The following KCNT2 variants were observed in gnomAD, a reference collection of about 807,000 sequenced individuals.
KCNT2 encodes the protein potassium channel subfamily T member 2.
Under a neutral mutation model 153.8 loss-of-function variants are expected in KCNT2, and 67 were observed. That is an observed-to-expected ratio of 0.44 (90% CI 0.36 to 0.53). The LOEUF is 0.53. Among genes scored for constraint, KCNT2 ranks in the 20% least tolerant of loss-of-function variants. The probability of loss-of-function intolerance (pLI) is 0.00; values close to 1 mark genes in which losing one functional copy is unlikely to be tolerated. For synonymous variants in KCNT2, 500 were observed against 458.8 expected (o/e 1.09, Z -1.15); for missense variants, 975 against 1,354.8 (o/e 0.72, Z 4.40).
chr1:196,345,693 C>T (rs1377936004), intron 14 of KCNT2, among the ~76,000 whole-genome samples: 2 of 151,994 alleles, frequency 1.3e-5, no homozygotes, highest in South Asian at 2.1e-4. Flanking sequence ...CAATGATCCA[C>T]CTAGATGATA....
intron 22 of KCNT2, among the ~76,000 whole-genome samples, chr1:196,304,820 T>G (rs1456604490): frequency 1.3e-5 from 2 of 152,180 alleles, no homozygotes; most frequent in Non-Finnish European, 2.9e-5. Context: ...TTCCTCCCTC[T>G]GAGACCTTGC....
intron 13 of KCNT2, among the ~76,000 whole-genome samples, chr1:196,374,968 C>A (rs971053808): frequency 3.3e-5 from 5 of 151,798 alleles, no homozygotes; most frequent in Non-Finnish European, 7.4e-5. Context: ...CAATTATTAA[C>A]TTTTCCTTAC....
At chr1:196,273,867 C>T (rs1225142115) in intron 25 of KCNT2, among the ~76,000 whole-genome samples, 1 of 151,528 alleles carries the variant, frequency 6.6e-6, no homozygotes, top group Non-Finnish European at 1.5e-5. Context: ...ACTCCATACA[C>T]TATAAATGAT....
intron 18 of KCNT2, among the ~76,000 whole-genome samples, chr1:196,330,171 T>C (rs1407236049): frequency 6.6e-6 from 1 of 150,996 alleles, no homozygotes; most frequent in Non-Finnish European, 1.5e-5. Flanking sequence ...TTTTCTAATG[T>C]TCTGTAAATC....
chr1:196,352,460 C>T (rs980660796), intron 14 of KCNT2, among the ~76,000 whole-genome samples: 2 of 151,990 alleles, frequency 1.3e-5, no homozygotes, highest in African/African-American at 4.8e-5. Flanking sequence ...AGGAATTTAT[C>T]CATTTCTTCT....
chr1:196,356,274 T>G (rs1667168515), intron 14 of KCNT2, among the ~76,000 whole-genome samples: 1 of 151,768 alleles, frequency 6.6e-6, no homozygotes, highest in South Asian at 2.1e-4. Flanking sequence ...AAAGCAATAT[T>G]AAATTTCATC....
chr1:196,470,789 C>T (rs1223191192), intron 5 of KCNT2, among the ~76,000 whole-genome samples: 1 of 151,996 alleles, frequency 6.6e-6, no homozygotes, highest in Non-Finnish European at 1.5e-5. Context: ...TTCCCTGTGC[C>T]ATGTAGGTCT....
At chr1:196,501,453 G>T (rs1031409755) in intron 1 of KCNT2, among the ~76,000 whole-genome samples, 5 of 152,074 alleles carry the variant, frequency 3.3e-5, no homozygotes, top group African/African-American at 1.2e-4. Context: ...AACATGAATG[G>T]AACTGTAGGC....
At chr1:196,446,293 G>T (rs763691588) in intron 8 of KCNT2, among the ~76,000 whole-genome samples, 94 of 151,236 alleles carry the variant, frequency 6.2e-4, no homozygotes, top group Non-Finnish European at 1.2e-3. Flanking sequence ...TCCATGAGAC[G>T]CATTCAACTA....
chr1:196,590,133 C>T (rs1473186982), intron 1 of KCNT2, among the ~76,000 whole-genome samples: 3 of 152,098 alleles, frequency 2.0e-5, no homozygotes. Flanking sequence ...CACACTGTGA[C>T]CCTCTAGTCT....
chr1:196,377,959 AG>A (rs1669115928), intron 13 of KCNT2, among the ~76,000 whole-genome samples: 1 of 152,116 alleles, frequency 6.6e-6, no homozygotes, highest in South Asian at 2.1e-4. Context: ...TGATATGGAC[AG>A]GGCAACAAAA....
chr1:196,417,460 T>C (rs1672846278), intron 12 of KCNT2, among the ~76,000 whole-genome samples: 1 of 152,090 alleles, frequency 6.6e-6, no homozygotes, highest in Non-Finnish European at 1.5e-5. Flanking sequence ...TCCTTCCTAC[T>C]CTCACACATA....
At chr1:196,340,705 A>G (rs1417009901) in intron 15 of KCNT2, 135 bp from the exon 16 acceptor site, 1 of 602,840 alleles carries the variant, frequency 1.7e-6, no homozygotes. Flanking sequence ...TTTTTACAGG[A>G]AAATAAACTA....
chr1:196,523,367 A>C (rs1238237114), intron 1 of KCNT2, among the ~76,000 whole-genome samples: 1 of 152,202 alleles, frequency 6.6e-6, no homozygotes, highest in Non-Finnish European at 1.5e-5. Flanking sequence ...CCAAGAACCC[A>C]CTGGAAGGAA....
chr1:196,348,156 T>G (rs1666297107), intron 14 of KCNT2, among the ~76,000 whole-genome samples: 1 of 151,878 alleles, frequency 6.6e-6, no homozygotes, highest in African/African-American at 2.4e-5. Flanking sequence ...ACCAGAATAA[T>G]GTTTAGGTCT....
intron 7 of KCNT2, among the ~76,000 whole-genome samples, chr1:196,466,141 G>T (rs1011823653): frequency 6.6e-6 from 1 of 151,908 alleles, no homozygotes; most frequent in African/African-American, 2.4e-5. Context: ...TGCAAAACAG[G>T]CTTTGTTACT....
chr1:196,335,958 T>A (rs896408043), intron 16 of KCNT2, among the ~76,000 whole-genome samples: 31 of 152,150 alleles, frequency 2.0e-4, no homozygotes, highest in Non-Finnish European at 8.8e-5. Flanking sequence ...TTAAGCATTA[T>A]GATTATTTTC....
intron 7 of KCNT2, among the ~76,000 whole-genome samples, chr1:196,465,629 T>A (rs1677545671): frequency 6.6e-6 from 1 of 151,848 alleles, no homozygotes; most frequent in African/African-American, 2.4e-5. Flanking sequence ...AGCACTAAAT[T>A]TCAGTTTACT....
chr1:196,558,884 A>G (rs1659031232), intron 1 of KCNT2, among the ~76,000 whole-genome samples: 1 of 151,602 alleles, frequency 6.6e-6, no homozygotes, highest in Non-Finnish European at 1.5e-5. Flanking sequence ...ACATCACACA[A>G]GTTTATATAA....
Sources: gnomAD v4.1 joint callset for allele counts (sites outside exome capture counted in the v4.1 genomes callset) on GRCh38, gnomAD v4.1.1 for gene constraint, MANE v1.5 for transcripts, NCBI Gene and HGNC (gene_info 2026-07-23, HGNC 2026-07-21) for gene names.